CACNA1H: variants seen among roughly 807,000 people sequenced by gnomAD.
CACNA1H encodes voltage-dependent T-type calcium channel subunit alpha-1H.
Under a neutral mutation model 192.5 loss-of-function variants are expected in CACNA1H, and 149 were observed. The observed-to-expected ratio is 0.77, with a 90% CI of 0.68 to 0.89. CACNA1H has a LOEUF of 0.89. Ranked by LOEUF, CACNA1H falls within the 40% of genes least tolerant of loss-of-function variation. CACNA1H has a pLI of 0.00. For missense variants in CACNA1H, 4,257 were observed against 3,423.5 expected (o/e 1.24, Z -6.08); for synonymous variants, 2,202 against 1,475.2 (o/e 1.49, Z -11.29).
intron 2 of CACNA1H, among the ~76,000 whole-genome samples, chr16:1,190,193 C>T (rs1335821520): frequency 1.3e-5 from 2 of 152,256 alleles, no homozygotes; most frequent in Non-Finnish European, 2.9e-5. Flanking sequence ...CTGCAGCCAG[C>T]AGGCCCCCTC....
At chr16:1,201,155 A>G (rs1025500000) in intron 8 of CACNA1H, among the ~76,000 whole-genome samples, 8 of 152,052 alleles carry the variant, frequency 5.3e-5, no homozygotes, top group African/African-American at 1.9e-4. Context: ...GTCCTGGCAG[A>G]GTTGGGTTAA....
rs1202347048 is a variant in CACNA1H at position 1,204,465 on chromosome 16, G to A, written c.2451+7G>A. 6.6e-7 allele frequency: 1 copy of A among 1,521,282 alleles called. No individual in the cohort carries two copies. Among genetic ancestry groups the A allele is most frequent in the Non-Finnish European group, 8.8e-7 (1 of 1,135,162 alleles). The allele number at this position is 1,521,282 out of a possible 1,614,324, so 94.2% of individuals were successfully genotyped here. A position where few individuals can be genotyped will look rare whatever the true frequency, so the allele number is the denominator to read the frequency against. ...CGTGGAGTACCATGAGCAGGTGCGG[G>A]CTGGCCTGGCCACGGGGTGGGCTCC... On this transcript the variant is annotated splice_region_variant and intron_variant, in intron 10 of 34. Transcript: ENST00000348261.
At chr16:1,195,864 C>T in intron 4 of CACNA1H, 62 bp from the exon 5 acceptor site, 4 of 1,323,464 alleles carry the variant, frequency 3.0e-6, no homozygotes, top group Non-Finnish European at 4.4e-6. Context: ...CTTTGCACCC[C>T]AGCCCCACCC....
At chr16:1,156,095 G>T (rs12930982) in intron 2 of CACNA1H, among the ~76,000 whole-genome samples, 1 of 152,074 alleles carries the variant, frequency 6.6e-6, no homozygotes, top group East Asian at 1.9e-4. Context: ...CCTGCCCTTC[G>T]ATGGCATCCC....
intron 2 of CACNA1H, among the ~76,000 whole-genome samples, chr16:1,155,136 A>G (rs1364059132): frequency 6.6e-6 from 1 of 152,250 alleles, no homozygotes; most frequent in Non-Finnish European, 1.5e-5. Context: ...GTACAAAAAA[A>G]GTCATAAAGC....
intron 2 of CACNA1H, among the ~76,000 whole-genome samples, chr16:1,188,749 A>G (rs2151798294): frequency 6.6e-6 from 1 of 152,270 alleles, no homozygotes; most frequent in South Asian, 2.1e-4. Context: ...GAGCAGCTCC[A>G]CTGAAGCTCT....
intron 26 of CACNA1H, among the ~76,000 whole-genome samples, chr16:1,213,264 C>T (rs1256161523): frequency 1.3e-5 from 2 of 152,176 alleles, no homozygotes; most frequent in African/African-American, 4.8e-5. Flanking sequence ...CCTTGTGGGC[C>T]CAGACCCAGA....
Position 1,195,940 on chromosome 16 carries a change from C to T in CACNA1H, c.560C>T (p.Ser187Leu), listed in dbSNP as rs774551478. 4.8e-5 allele frequency: 77 copies of T among 1,612,884 alleles called. No individual in the cohort carries two copies. Among genetic ancestry groups the T allele is most frequent in the Non-Finnish European group, 5.6e-5 (66 of 1,179,758 alleles). Residue 187 changes from serine (S) to leucine (L), a missense_variant, in exon 5 of 35, where the codon TCG (serine) becomes TTG (leucine). Coordinates refer to ENST00000348261, the MANE Select transcript of CACNA1H (RefSeq NM_021098.3). Reference sequence around the variant, plus strand: ...CCCGCCCCCAGCATGATGGAGTACTCGTTGGACGGACACAACGTGAGCCTC... The same window carrying T: ...CCCGCCCCCAGCATGATGGAGTACTTGTTGGACGGACACAACGTGAGCCTC... ...FIVVAGMMEYSLDGHNVSLSA... is the reference protein window; with the variant it reads ...FIVVAGMMEYLLDGHNVSLSA...
rs759165124 is a variant in CACNA1H at position 1,200,517 on chromosome 16, C to T, written c.1065C>T (p.His355=). 1.9e-5 allele frequency: 30 copies of T among 1,612,270 alleles called. No homozygotes were observed. The highest frequency in any genetic ancestry group is 2.5e-5 in the Non-Finnish European group (29 of 1,179,744). ...GCCGCTCGGGTGACTCCAACCCCCA[C>T]AACGGTGCCATCAACTTCGACAACA... ...NVCRSGDSNP[H]NGAINFDNIG... The change falls in exon 7 of 35, where the codon CAC becomes CAT. Residue 355 remains histidine, a synonymous_variant. Transcript: ENST00000348261.
rs757736134 is a variant in CACNA1H at position 1,220,440 on chromosome 16, G to A, written c.6508G>A (p.Ala2170Thr). 1 of 1,539,702 alleles carries A rather than the reference G, an allele frequency of 6.5e-7. No individual in the cohort carries two copies. The highest frequency in any genetic ancestry group is 8.7e-7 in the Non-Finnish European group (1 of 1,152,048). Residue 2170 changes from alanine (A) to threonine (T), a missense_variant, in exon 35 of 35, where the codon GCC (alanine) becomes ACC (threonine). Physicochemically the swap from Ala to Thr is moderately conservative, Grantham distance 58. Coordinates refer to ENST00000348261, the MANE Select transcript of CACNA1H (RefSeq NM_021098.3). ...LGSGEPGEAK[A>T]WGPEAEPALG... Reference sequence around the variant, plus strand: ...CAGCGGGGAGCCTGGGGAGGCGAAGGCCTGGGGCCCTGAGGCCGAGCCCGC... The same window carrying A: ...CAGCGGGGAGCCTGGGGAGGCGAAGACCTGGGGCCCTGAGGCCGAGCCCGC...
At chr16:1,174,682 T>C (rs1964690957) in intron 2 of CACNA1H, among the ~76,000 whole-genome samples, 1 of 152,186 alleles carries the variant, frequency 6.6e-6, no homozygotes. Flanking sequence ...AGGCGCCCAA[T>C]GTTAGTTTAA....
At chr16:1,192,432 C>T (rs531261158) in intron 2 of CACNA1H, among the ~76,000 whole-genome samples, 1 of 152,380 alleles carries the variant, frequency 6.6e-6, no homozygotes, top group East Asian at 1.9e-4. Context: ...ACTCTGCTGG[C>T]TGGACAGTCT....
intron 2 of CACNA1H, among the ~76,000 whole-genome samples, chr16:1,186,176 G>A (rs1966035320): frequency 6.6e-6 from 1 of 151,870 alleles, no homozygotes; most frequent in Non-Finnish European, 1.5e-5. Flanking sequence ...AGGGGCCGGA[G>A]GCGGGGTGTG....
intron 2 of CACNA1H, among the ~76,000 whole-genome samples, chr16:1,185,704 CGGCGTGCGTAGGGGCCGGA>C (rs1965955491): frequency 4.0e-5 from 1 of 25,204 alleles, no homozygotes; most frequent in Non-Finnish European, 6.9e-5. Context: ...AGTAGACGGT[CGGCGTGCGTAGGGGCCGGA>C]GGCGGGGTGT....
chr16:1,195,822 C>T (rs1567495798), intron 4 of CACNA1H, 104 bp from the exon 5 acceptor site: 6 of 999,766 alleles, frequency 6.0e-6, no homozygotes, highest in South Asian at 2.6e-5. Context: ...CTCCGGGTGC[C>T]GGGCTGGCCG....
At chr16:1,161,404 C>T (rs1272421321) in intron 2 of CACNA1H, among the ~76,000 whole-genome samples, 4 of 152,194 alleles carry the variant, frequency 2.6e-5, no homozygotes, top group African/African-American at 7.2e-5. Flanking sequence ...GCCCCCTGGC[C>T]GGAGGTGGTT....
rs541518803 is a variant in CACNA1H at position 1,221,580 on chromosome 16, C to T, written c.*586C>T. The stretch of plus-strand genomic sequence containing the variant: ...AAGGGGCCGACCCCATGGAGTAACG[C>T]GCCCGGCCCCGATGCGAATCAGGCC... On this transcript the variant is annotated 3_prime_UTR_variant, in exon 35 of 35. Coordinates refer to ENST00000348261, the MANE Select transcript of CACNA1H (RefSeq NM_021098.3). The T allele has an allele frequency of 1.6e-5, 9 of 580,098 alleles. No individual in the cohort carries two copies. Among genetic ancestry groups the T allele is most frequent in the South Asian group, 1.3e-4 (6 of 45,980 alleles). 35.9% of individuals were successfully genotyped at this position (580,098 alleles called of 1,614,324 possible). A position where few individuals can be genotyped will look rare whatever the true frequency, so the allele number is the denominator to read the frequency against.
chr16:1,192,487 C>T (rs527512687), intron 2 of CACNA1H, among the ~76,000 whole-genome samples: 1 of 152,356 alleles, frequency 6.6e-6, no homozygotes, highest in Non-Finnish European at 1.5e-5. Flanking sequence ...CTTCTGTCCC[C>T]ATTGGGCCCT....
At chr16:1,194,950 G>T in intron 2 of CACNA1H, 22 bp from the exon 3 acceptor site, 1 of 1,573,362 alleles carries the variant, frequency 6.4e-7, no homozygotes, top group Non-Finnish European at 8.7e-7. Flanking sequence ...GCGCCGGTGT[G>T]CTCCTTAACC....
Sources: gnomAD v4.1 joint callset for allele counts (sites outside exome capture counted in the v4.1 genomes callset) on GRCh38, gnomAD v4.1.1 for gene constraint, MANE v1.5 for transcripts, NCBI Gene and HGNC (gene_info 2026-07-23, HGNC 2026-07-21) for gene names.